The following NGEF variants were observed in gnomAD, a reference collection of about 807,000 sequenced individuals.
The protein encoded by NGEF is neuronal guanine nucleotide exchange factor, also known as ephexin-1.
Under a neutral mutation model 80.9 loss-of-function variants are expected in NGEF, and 31 were observed. The ratio of observed to expected loss-of-function variants is 0.38; its 90% confidence interval spans 0.29 to 0.52. The LOEUF (loss-of-function observed/expected upper bound fraction) is 0.52, where lower values mean the gene tolerates loss of function less well. NGEF is among the 20% of genes least tolerant of loss of function. The pLI, the probability that NGEF is intolerant of heterozygous loss-of-function variation, is 0.84. For synonymous variants in NGEF, 371 were observed against 370.2 expected, an observed-to-expected ratio of 1.00 and a Z score of -0.03; for missense variants, 709 against 926.2, an observed-to-expected ratio of 0.77 and a Z score of 3.04.
At chr2:232,926,360 G>A (rs1693067334) in intron 4 of NGEF, among the ~76,000 whole-genome samples, 1 of 150,474 alleles carries the variant, frequency 6.6e-6, no homozygotes, top group South Asian at 2.1e-4. Flanking sequence ...TTTAATGCAA[G>A]TACTGAAGTT....
intron 1 of NGEF, among the ~76,000 whole-genome samples, chr2:233,000,371 G>A (rs1482335892): frequency 2.0e-5 from 3 of 152,034 alleles, no homozygotes; most frequent in African/African-American, 7.2e-5. Context: ...TGCTGGGATT[G>A]CAGGTGTGAG....
At chr2:232,977,774 C>T (rs56281110) in intron 1 of NGEF, among the ~76,000 whole-genome samples, 5,141 of 152,128 alleles carry the variant, frequency 0.034, 320 homozygotes, top group African/African-American at 0.12. Flanking sequence ...GAGGCACAGG[C>T]GGGGTGGTGG....
chr2:232,881,581 C>T (rs1173392214), intron 13 of NGEF, among the ~76,000 whole-genome samples: 2 of 152,102 alleles, frequency 1.3e-5, no homozygotes, highest in Non-Finnish European at 2.9e-5. Context: ...CTCCATAAGG[C>T]AGCTGAACTT....
intron 3 of NGEF, among the ~76,000 whole-genome samples, chr2:232,940,752 T>C (rs534446644): frequency 6.6e-6 from 1 of 152,342 alleles, no homozygotes; most frequent in Non-Finnish European, 1.5e-5. Flanking sequence ...CTTACTTTGT[T>C]TATAAATAGA....
intron 1 of NGEF, among the ~76,000 whole-genome samples, chr2:233,002,826 G>T (rs1486908744): frequency 6.6e-6 from 1 of 152,194 alleles, no homozygotes; most frequent in Non-Finnish European, 1.5e-5. Context: ...ACTGTGAGTG[G>T]CAGCAACAGC....
intron 9 of NGEF, among the ~76,000 whole-genome samples, chr2:232,885,957 A>G (rs11694000): frequency 0.3 from 46,058 of 152,178 alleles, 7,225 homozygotes; most frequent in African/African-American, 0.34. Context: ...GATTCGATTA[A>G]AATAGTTATG....
intron 5 of NGEF, chr2:232,901,391 G>C (rs771768337): frequency 1.2e-4 from 120 of 985,354 alleles, no homozygotes; most frequent in Non-Finnish European, 1.4e-4. Context: ...TCCAGGGTTC[G>C]CCGTGGACCT....
intron 1 of NGEF, among the ~76,000 whole-genome samples, chr2:233,001,538 G>T (rs951369055): frequency 2.6e-5 from 4 of 152,152 alleles, no homozygotes; most frequent in Admixed American, 2.6e-4. Context: ...AGAGGAGAGT[G>T]GGAATAGCCA....
At chr2:232,995,648 G>T (rs1262189644) in intron 1 of NGEF, among the ~76,000 whole-genome samples, 1 of 39,356 alleles carries the variant, frequency 2.5e-5, no homozygotes, top group Admixed American at 3.0e-4. Context: ...GTATTATAGT[G>T]TATATATGTA....
At position 232,939,690 on chromosome 2, in the gene NGEF, C is replaced by G. The variant is rs566322174; in HGVS notation, c.384-12504G>C. ...AATGTTCTTTGTTGAGTTACCAGTACTAATTATTCAAGAATTTGGTGTCTC... is the reference window on the plus strand; with the variant it reads ...AATGTTCTTTGTTGAGTTACCAGTAGTAATTATTCAAGAATTTGGTGTCTC... On this transcript the variant is annotated intron_variant, in intron 3 of 14. Coordinates refer to ENST00000264051, the MANE Select transcript of NGEF (RefSeq NM_019850.3). 3.3e-5 allele frequency among the ~76,000 whole-genome samples: 5 copies of G among 152,070 alleles called. No individual in the cohort carries two copies. The East Asian group carries it at 7.7e-4, about 23-fold the overall frequency.
At position 232,894,751 on chromosome 2, in the gene NGEF, C is replaced by G. The variant is rs768436715; in HGVS notation, c.989+5G>C. The G allele has an allele frequency of 3.2e-6, 5 of 1,569,358 alleles. No individual in the cohort carries two copies. The African/African-American group carries it at 6.7e-5, about 21-fold the overall frequency. On this transcript the variant is annotated splice_donor_5th_base_variant and intron_variant, in intron 6 of 14. Coordinates refer to ENST00000264051, the MANE Select transcript of NGEF (RefSeq NM_019850.3). Reference sequence around the variant, plus strand: ...GAGGGAGGTGGCTGTCCCCCCCGTCCTCACCGCTCACTGACAGCCAGCACG... The same window carrying G: ...GAGGGAGGTGGCTGTCCCCCCCGTCGTCACCGCTCACTGACAGCCAGCACG...
chr2:232,905,335 C>A (rs1239671073), intron 5 of NGEF, among the ~76,000 whole-genome samples: 1 of 152,252 alleles, frequency 6.6e-6, no homozygotes. Flanking sequence ...AGCTCCTAAC[C>A]GCGAGTGATC....
Position 232,932,375 on chromosome 2 carries a change from C to T in NGEF, c.384-5189G>A, listed in dbSNP as rs376508379. Reference sequence around the variant, plus strand: ...AGAGATGGGGTTTCACCATGTTGGCCGGGCTGGTCTCGAACTCCTGACCTC... The same window carrying T: ...AGAGATGGGGTTTCACCATGTTGGCTGGGCTGGTCTCGAACTCCTGACCTC... On this transcript the variant is annotated intron_variant, in intron 3 of 14. Coordinates refer to ENST00000264051, the MANE Select transcript of NGEF (RefSeq NM_019850.3). Among the ~76,000 whole-genome samples the T allele has an allele frequency of 8.6e-5, 13 of 151,960 alleles. No homozygotes were observed. In the East Asian group the frequency reaches 2.1e-3, roughly 25 times the overall value.
At chr2:232,941,151 T>A (rs2106296753) in intron 3 of NGEF, among the ~76,000 whole-genome samples, 1 of 152,152 alleles carries the variant, frequency 6.6e-6, no homozygotes, top group East Asian at 1.9e-4. Context: ...GCTGTCTTCT[T>A]GAGCTCAGTC....
At chr2:232,896,938 T>A in intron 5 of NGEF, among the ~76,000 whole-genome samples, 1 of 95,822 alleles carries the variant, frequency 1.0e-5, no homozygotes, top group African/African-American at 4.4e-5. Flanking sequence ...AGGGTAGGGG[T>A]GAGGGTGAGG....
chr2:232,974,999 C>T, intron 1 of NGEF, 35 bp from the exon 2 acceptor site: 1 of 1,120,342 alleles, frequency 8.9e-7, no homozygotes, highest in Non-Finnish European at 1.3e-6. Context: ...TTCAGTTAGT[C>T]ATCAGGCTAA....
At chr2:232,998,035 C>T (rs1362175551) in intron 1 of NGEF, among the ~76,000 whole-genome samples, 2 of 152,222 alleles carry the variant, frequency 1.3e-5, no homozygotes, top group African/African-American at 4.8e-5. Flanking sequence ...AGCAGGAGGT[C>T]ACAGGGCCGA....
chr2:232,906,830 T>C (rs1692569212), intron 5 of NGEF, among the ~76,000 whole-genome samples: 1 of 151,878 alleles, frequency 6.6e-6, no homozygotes, highest in Non-Finnish European at 1.5e-5. Context: ...CATTTTGTTC[T>C]GTACTAAGAA....
At chr2:232,985,670 G>A (rs111762242) in intron 1 of NGEF, among the ~76,000 whole-genome samples, 1,914 of 152,230 alleles carry the variant, frequency 0.013, 45 homozygotes, top group African/African-American at 0.042. Context: ...GGAGAATGGC[G>A]TGAACCCAGG....
Sources: allele counts gnomAD v4.1 joint callset (sites outside exome capture counted in the v4.1 genomes callset), GRCh38; gene constraint gnomAD v4.1.1; transcripts MANE v1.5; gene names NCBI Gene and HGNC (gene_info 2026-07-23, HGNC 2026-07-21).